KCNH7: variants seen among roughly 807,000 people sequenced by gnomAD.
KCNH7 encodes the protein voltage-gated inwardly rectifying potassium channel KCNH7.
Under a neutral mutation model 120.8 loss-of-function variants are expected in KCNH7, and 49 were observed. The ratio of observed to expected loss-of-function variants is 0.41; its 90% CI spans 0.32 to 0.51. KCNH7 has a LOEUF of 0.51. KCNH7 is among the 20% of genes least tolerant of loss of function. The probability of loss-of-function intolerance (pLI) is 0.38; values close to 1 mark genes in which losing one functional copy is unlikely to be tolerated. For missense variants in KCNH7, 1,097 were observed against 1,446.6 expected (o/e 0.76, Z 3.92); for synonymous variants, 547 against 516.1 (o/e 1.06, Z -0.81).
chr2:162,732,029 A>G (rs763377314), intron 2 of KCNH7, among the ~76,000 whole-genome samples: 108 of 152,170 alleles, frequency 7.1e-4, no homozygotes, highest in Admixed American at 1.2e-3. Flanking sequence ...GTAAGCAACT[A>G]CAGACACTAG....
Position 162,517,503 on chromosome 2 carries a change from C to T in KCNH7, c.892+227G>A, listed in dbSNP as rs149799899. ...TGGTAGGCAGATAATGGTTATCATA[C>T]TATTTCAGAAATACAGATAAAGAAG... On this transcript the variant is annotated intron_variant, in intron 4 of 15. Transcript: ENST00000332142. Among the ~76,000 whole-genome samples the T allele has an allele frequency of 1.8e-4, 28 of 151,862 alleles. 1 individual carries two copies. In the East Asian group the frequency reaches 4.7e-3, roughly 26 times the overall value.
At chr2:162,756,674 G>A (rs1688800564) in intron 2 of KCNH7, among the ~76,000 whole-genome samples, 1 of 152,064 alleles carries the variant, frequency 6.6e-6, no homozygotes, top group African/African-American at 2.4e-5. Context: ...TGTTGCCCAA[G>A]CTAGTCTAAA....
chr2:162,531,858 G>C (rs1056145707), intron 3 of KCNH7, among the ~76,000 whole-genome samples: 1 of 151,848 alleles, frequency 6.6e-6, no homozygotes, highest in Non-Finnish European at 1.5e-5. Context: ...TATCAGCTGA[G>C]GTATGTTTGA....
intron 2 of KCNH7, among the ~76,000 whole-genome samples, chr2:162,691,819 C>T (rs1686113890): frequency 6.6e-6 from 1 of 152,078 alleles, no homozygotes; most frequent in Non-Finnish European, 1.5e-5. Context: ...TCAAATATTG[C>T]TGTTACTACT....
intron 2 of KCNH7, among the ~76,000 whole-genome samples, chr2:162,720,601 T>G (rs549103928): frequency 6.6e-6 from 1 of 152,238 alleles, no homozygotes; most frequent in Non-Finnish European, 1.5e-5. Context: ...CAATACTCTG[T>G]TGTAAGTTTC....
At position 162,423,325 on chromosome 2, in the gene KCNH7, G is replaced by A; in HGVS notation, c.2154+11C>T. On this transcript the variant is annotated intron_variant, in intron 9 of 15. Transcript: ENST00000332142. ...TGCGGCACTTTCATTTTGGAAAACA[G>A]ACATACATACCATGTTCATGTCAAT... The A allele has an allele frequency of 2.5e-6, 4 of 1,614,028 alleles. No individual in the cohort carries two copies. Among genetic ancestry groups the A allele is most frequent in the Non-Finnish European group, 3.4e-6 (4 of 1,179,902 alleles).
At chr2:162,485,044 C>T (rs986088000) in intron 6 of KCNH7, among the ~76,000 whole-genome samples, 3 of 152,164 alleles carry the variant, frequency 2.0e-5, no homozygotes, top group African/African-American at 4.8e-5. Context: ...AAAACAGGAA[C>T]TAAGGAATCT....
At chr2:162,771,777 T>C (rs997342354) in intron 2 of KCNH7, among the ~76,000 whole-genome samples, 1 of 152,148 alleles carries the variant, frequency 6.6e-6, no homozygotes, top group African/African-American at 2.4e-5. Context: ...CTTTAGACTA[T>C]CTCCATTTGA....
chr2:162,725,484 T>C (rs1191157353), intron 2 of KCNH7, among the ~76,000 whole-genome samples: 1 of 152,182 alleles, frequency 6.6e-6, no homozygotes, highest in Admixed American at 6.5e-5. Flanking sequence ...AATATGTTCA[T>C]ACAACTTTCA....
At chr2:162,757,548 C>CAA (rs777209188) in intron 2 of KCNH7, among the ~76,000 whole-genome samples, 1 of 151,908 alleles carries the variant, frequency 6.6e-6, no homozygotes, top group African/African-American at 2.4e-5. Context: ...GTAATCCCCA[C>CAA]AAAAAAATGT....
intron 5 of KCNH7, 50 bp downstream of exon 5, chr2:162,512,604 T>C (rs1406684360): frequency 1.9e-6 from 3 of 1,567,384 alleles, no homozygotes; most frequent in African/African-American, 1.4e-5. Flanking sequence ...ACATGCCGAG[T>C]AAAGGGGCAG....
At chr2:162,490,939 A>G (rs1473894192) in intron 6 of KCNH7, among the ~76,000 whole-genome samples, 1 of 152,192 alleles carries the variant, frequency 6.6e-6, no homozygotes, top group African/African-American at 2.4e-5. Context: ...GCTCCACCCA[A>G]TGGCCACAGG....
chr2:162,503,301 G>A (rs1249546031), intron 6 of KCNH7, among the ~76,000 whole-genome samples: 1 of 151,848 alleles, frequency 6.6e-6, no homozygotes, highest in Non-Finnish European at 1.5e-5. Context: ...CAATTGAAAG[G>A]AAAACACAAA....
At chr2:162,655,478 A>G (rs1419238525) in intron 2 of KCNH7, among the ~76,000 whole-genome samples, 1 of 152,158 alleles carries the variant, frequency 6.6e-6, no homozygotes, top group Admixed American at 6.5e-5. Flanking sequence ...GGATAATAAT[A>G]TCTGGCTCAT....
rs757671540 is a variant in KCNH7 at position 162,379,899 on chromosome 2, C to T, written c.3085G>A (p.Gly1029Arg). 1.2e-5 allele frequency: 20 copies of T among 1,613,840 alleles called. No homozygotes were observed. The highest frequency in any genetic ancestry group is 8.9e-5 in the East Asian group (4 of 44,862). ...AGATCTAATCTTTGTTCCACTTCCC[C>T]GTAGGTGAGGTCGCTTTCGGTTTCA... ...ISETESDLTYGEVEQRLDLLQ... is the reference protein window; with the variant it reads ...ISETESDLTYREVEQRLDLLQ... The change falls in exon 14 of 16, where the codon GGG (glycine) becomes AGG (arginine). Residue 1029 changes from glycine to arginine, a missense_variant. Physicochemically the swap from Gly to Arg is moderately radical, Grantham distance 125 (BLOSUM62 -2). Transcript: ENST00000332142.
intron 2 of KCNH7, among the ~76,000 whole-genome samples, chr2:162,627,669 A>T (rs2105209860): frequency 6.6e-6 from 1 of 152,288 alleles, no homozygotes; most frequent in East Asian, 1.9e-4. Flanking sequence ...GGAATCACTC[A>T]GGAACTTGTG....
intron 2 of KCNH7, among the ~76,000 whole-genome samples, chr2:162,634,014 T>G (rs1683856435): frequency 6.6e-6 from 1 of 152,024 alleles, no homozygotes; most frequent in Non-Finnish European, 1.5e-5. Flanking sequence ...GTTAAACATT[T>G]TCCTAGAATA....
intron 6 of KCNH7, among the ~76,000 whole-genome samples, chr2:162,450,194 TCTTTA>T (rs1426331646): frequency 3.3e-5 from 5 of 152,076 alleles, no homozygotes; most frequent in Non-Finnish European, 2.9e-5. Context: ...CAAATATTTT[TCTTTA>T]CTTAAGTTTA....
intron 2 of KCNH7, among the ~76,000 whole-genome samples, chr2:162,598,389 A>T (rs992417082): frequency 2.6e-5 from 4 of 152,128 alleles, no homozygotes; most frequent in African/African-American, 9.7e-5. Context: ...TTGATGGAAA[A>T]GTGATACAAA....
Sources: gnomAD v4.1 joint callset for allele counts (sites outside exome capture counted in the v4.1 genomes callset) on GRCh38, gnomAD v4.1.1 for gene constraint, MANE v1.5 for transcripts, NCBI Gene and HGNC (gene_info 2026-07-23, HGNC 2026-07-21) for gene names.